The following ZNF514 variants were observed in gnomAD, a reference collection of about 807,000 sequenced individuals.
The protein encoded by ZNF514 is zinc finger protein 514.
A neutral mutation model predicts 9.7 loss-of-function variants in ZNF514; 12 were observed. The ratio of observed to expected loss-of-function variants is 1.24; its 90% confidence interval spans 0.79 to 2.01. The LOEUF (loss-of-function observed/expected upper bound fraction) is 2.01. Ranked by LOEUF, ZNF514 falls within the 30% of genes most tolerant of loss-of-function variation. ZNF514 has a pLI of 0.00. For missense variants in ZNF514, 467 were observed against 465.5 expected (o/e 1.00, Z -0.03); for synonymous variants, 158 against 163.7 (o/e 0.97, Z 0.27).
chr2:95,154,007 C>G (rs1673616185), intron 2 of ZNF514: 1 of 152,136 alleles, frequency 6.6e-6, no homozygotes, highest in South Asian at 2.1e-4. Flanking sequence ...TAAAATCATC[C>G]AAAATAATCA....
At chr2:95,138,894 G>A in the ZNF514 span, among the ~76,000 whole-genome samples, 1 of 152,232 alleles carries the variant, frequency 6.6e-6, no homozygotes, top group Non-Finnish European at 1.5e-5. Flanking sequence ...CTGAGGCCTA[G>A]GAGGACTGAA....
rs1673801940 is a variant in ZNF514 at position 95,159,670 on chromosome 2, A to AGCCCCCGCGTCCG, written c.-527_-526insCGGACGCGGGGGC. ...CACCCCGCGCCAGCCCCCGCCCGCC[A>AGCCCCCGCGTCCG]CCCCGCGCCAGCCCCCGCGTCCGCC... On this transcript the variant is annotated 5_prime_UTR_variant, in exon 1 of 5. Transcript: ENST00000295208. The AGCCCCCGCGTCCG allele has an allele frequency of 2.3e-5, 1 of 43,628 alleles. No homozygotes were observed. Among genetic ancestry groups the AGCCCCCGCGTCCG allele is most frequent in the African/African-American group, 7.8e-5 (1 of 12,806 alleles). The allele number at this position is 43,628 out of a possible 1,614,324, so 2.7% of individuals were successfully genotyped here. A position where few individuals can be genotyped will look rare whatever the true frequency, so the allele number is the denominator to read the frequency against.
Position 95,150,272 on chromosome 2 carries a change from TAAAAAAAA to T in ZNF514, c.218-13_218-6del, listed in dbSNP as rs34282100. 1.5e-6 allele frequency: 2 copies of T among 1,340,488 alleles called. No individual in the cohort carries two copies. The highest frequency in any genetic ancestry group is 1.6e-5 in the African/African-American group (1 of 61,614). 83.0% of individuals were successfully genotyped at this position (1,340,488 alleles called of 1,614,324 possible). On this transcript the variant is annotated splice_region_variant and splice_polypyrimidine_tract_variant and intron_variant, in intron 4 of 4. Coordinates refer to ENST00000295208, the MANE Select transcript of ZNF514 (RefSeq NM_032788.3). The stretch of plus-strand genomic sequence containing the variant: ...ATTTAGACCTTCTCTTCCAGTCTGT[TAAAAAAAA>T]AAAAAAAAAAAGAAGACATTCTAGT...
chr2:95,149,936 T>C lies in ZNF514; in HGVS notation c.549A>G (p.Thr183=). ...LMGEGSYKCD[T]EFRQTLGGNN... ...TTCCCCCTAAAGTCTGCCTGAATTCTGTATCACATTTATAAGATCCTTCTC... is the reference window on the plus strand; with the variant it reads ...TTCCCCCTAAAGTCTGCCTGAATTCCGTATCACATTTATAAGATCCTTCTC... The change falls in exon 5 of 5, where the codon ACA becomes ACG. Residue 183 remains threonine, a synonymous_variant. Transcript: ENST00000295208. 6.2e-7 allele frequency: 1 copy of C among 1,614,236 alleles called. No individual in the cohort carries two copies. Among genetic ancestry groups the C allele is most frequent in the Admixed American group, 1.7e-5 (1 of 60,030 alleles).
chr2:95,129,122 G>A, the ZNF514 span, among the ~76,000 whole-genome samples: 1 of 152,206 alleles, frequency 6.6e-6, no homozygotes, highest in Non-Finnish European at 1.5e-5. Flanking sequence ...CACTGACTCT[G>A]AAAGTTTTGC....
chr2:95,123,924 CAA>C, the ZNF514 span, among the ~76,000 whole-genome samples: 1 of 152,146 alleles, frequency 6.6e-6, no homozygotes, highest in Non-Finnish European at 1.5e-5. Flanking sequence ...TAGGAAGTTG[CAA>C]AAATAGTACA....
the ZNF514 span, among the ~76,000 whole-genome samples, chr2:95,126,661 CTT>C: frequency 6.6e-6 from 1 of 152,164 alleles, no homozygotes; most frequent in Non-Finnish European, 1.5e-5. Flanking sequence ...TGTATACCCT[CTT>C]GAGTAAAATG....
chr2:95,146,092 T>C lies in ZNF514; in HGVS notation c.*3190A>G, dbSNP rs891390368. 3.9e-5 allele frequency among the ~76,000 whole-genome samples: 6 copies of C among 152,248 alleles called. No individual in the cohort carries two copies. Among genetic ancestry groups the C allele is most frequent in the Non-Finnish European group, 8.8e-5 (6 of 68,044 alleles). ...GTTATTGCTACAAAGAGTCTGTTTT[T>C]GTTAGTCTTAAGGTCTCTGTTTTAA... On this transcript the variant is annotated 3_prime_UTR_variant, in exon 5 of 5. Transcript: ENST00000295208.
intron 2 of ZNF514, chr2:95,154,539 T>G (rs577196188): frequency 1.3e-5 from 2 of 152,376 alleles, no homozygotes; most frequent in South Asian, 4.1e-4. Flanking sequence ...CTTCAGTAAC[T>G]TGAAAGATGA....
the ZNF514 span, among the ~76,000 whole-genome samples, chr2:95,129,315 CAA>C: frequency 1.3e-5 from 2 of 152,156 alleles, no homozygotes; most frequent in Admixed American, 6.5e-5. Flanking sequence ...TCAATAAGAA[CAA>C]AAGAGTCCAT....
In ZNF514 at chr2:95,146,892, G is replaced by A. The variant is rs1246842087; in HGVS notation, c.*2390C>T. ...CTTGGCTGTCCAGGAATAAATTTCT[G>A]TGTGATCTTGACCTCAGCTGTCCAA... On this transcript the variant is annotated 3_prime_UTR_variant, in exon 5 of 5. Coordinates refer to ENST00000295208, the MANE Select transcript of ZNF514 (RefSeq NM_032788.3). 1.3e-5 allele frequency among the ~76,000 whole-genome samples: 2 copies of A among 152,014 alleles called. No individual in the cohort carries two copies. Among genetic ancestry groups the A allele is most frequent in the African/African-American group, 4.8e-5 (2 of 41,368 alleles).
At chr2:95,133,349 AAGG>A in the ZNF514 span, among the ~76,000 whole-genome samples, 1 of 152,158 alleles carries the variant, frequency 6.6e-6, no homozygotes, top group East Asian at 1.9e-4. Context: ...GAAAAAGAAG[AAGG>A]AGACATCAAC....
At chr2:95,134,950 A>C in the ZNF514 span, among the ~76,000 whole-genome samples, 1 of 152,174 alleles carries the variant, frequency 6.6e-6, no homozygotes, top group Non-Finnish European at 1.5e-5. Context: ...GTTGGTCTAT[A>C]TATCCATAAT....
the ZNF514 span, among the ~76,000 whole-genome samples, chr2:95,125,265 G>A: frequency 1.5e-3 from 214 of 140,042 alleles, no homozygotes; most frequent in African/African-American, 5.4e-3. Context: ...GTCTCGCGTC[G>A]CGTCTCGCTC....
downstream of ZNF514, among the ~76,000 whole-genome samples, chr2:95,144,338 A>T (rs10202767): frequency 0.041 from 6,252 of 152,242 alleles, 416 homozygotes; most frequent in African/African-American, 0.14. Flanking sequence ...ATGTAATTAG[A>T]GTTGGGGCTT....
downstream of ZNF514, among the ~76,000 whole-genome samples, chr2:95,141,958 A>G (rs1364893190): frequency 6.6e-6 from 1 of 152,206 alleles, no homozygotes; most frequent in Non-Finnish European, 1.5e-5. Flanking sequence ...TCTGCCCAAG[A>G]TATCAGTCCA....
chr2:95,148,712 C>T lies in ZNF514; in HGVS notation c.*570G>A, dbSNP rs1000439063. On this transcript the variant is annotated 3_prime_UTR_variant, in exon 5 of 5. Transcript: ENST00000295208. ...TGAGGTTTGGCTGAAGGCTCTCCCA[C>T]ATTACCCACATTCACAGGTTTTTCT... The T allele has an allele frequency of 6.5e-6, 1 of 153,346 alleles. No homozygotes were observed. Among genetic ancestry groups the T allele is most frequent in the African/African-American group, 2.4e-5 (1 of 41,464 alleles). 9.5% of individuals were successfully genotyped at this position (153,346 alleles called of 1,614,324 possible).
rs1310724510 is a variant in ZNF514 at position 95,159,810 on chromosome 2, G to C, written c.-666C>G. ...ACGCGGCCGCCGCCGGGGCCCTTCA[G>C]AGCCAGCGCCGGTGGCGGGGTGCTG... On this transcript the variant is annotated 5_prime_UTR_variant, in exon 1 of 5. Coordinates refer to ENST00000295208, the MANE Select transcript of ZNF514 (RefSeq NM_032788.3). Among the ~76,000 whole-genome samples, 1 of 151,584 alleles carries C rather than the reference G, an allele frequency of 6.6e-6. No individual in the cohort carries two copies. Among genetic ancestry groups the C allele is most frequent in the African/African-American group, 2.4e-5 (1 of 41,362 alleles).
At chr2:95,141,452 C>T (rs1302007773), downstream of ZNF514, among the ~76,000 whole-genome samples, 1 of 152,120 alleles carries the variant, frequency 6.6e-6, no homozygotes, top group South Asian at 2.1e-4. Flanking sequence ...CCCCTAAGAA[C>T]TGGTAACTGG....
Sources: allele counts gnomAD v4.1 joint callset (sites outside exome capture counted in the v4.1 genomes callset), GRCh38; gene constraint gnomAD v4.1.1; transcripts MANE v1.5; gene names NCBI Gene and HGNC (gene_info 2026-07-23, HGNC 2026-07-21).